The following DMD variants were observed in gnomAD, a reference collection of about 807,000 sequenced individuals.
DMD encodes mutant dystrophin.
DMD carries 63 observed loss-of-function variants against 330.1 expected under a neutral mutation model. The ratio of observed to expected loss-of-function variants is 0.19; its 90% CI spans 0.16 to 0.24. DMD has a LOEUF of 0.24. DMD is among the 10% of genes least tolerant of loss of function. The probability of loss-of-function intolerance (pLI) is 1.00; values close to 1 mark genes in which losing one functional copy is unlikely to be tolerated. For synonymous variants in DMD, 1,223 were observed against 959.8 expected, an observed-to-expected ratio of 1.27 and a Z score of -5.07; for missense variants, 3,344 against 2,684.1, an observed-to-expected ratio of 1.25 and a Z score of -5.43.
chrX:33,261,293 A>G (rs1174710171), intron 1 of DMD, among the ~76,000 whole-genome samples: 1 of 111,195 alleles, frequency 9.0e-6, no homozygotes, highest in Non-Finnish European at 1.9e-5. Flanking sequence ...TTTAATATAT[A>G]GAAGAATAAG....
At chrX:32,612,024 C>A (rs1459100779) in intron 12 of DMD, among the ~76,000 whole-genome samples, 1 of 105,102 alleles carries the variant, frequency 9.5e-6, no homozygotes, top group East Asian at 3.0e-4. Flanking sequence ...GGTTAGATTC[C>A]TCCAAAAACA....
chrX:32,352,237 G>A (rs935258929), intron 37 of DMD, among the ~76,000 whole-genome samples: 2 of 110,503 alleles, frequency 1.8e-5, no homozygotes, highest in African/African-American at 6.5e-5. Context: ...TTTTCACACA[G>A]ACATTTTCTT....
intron 9 of DMD, among the ~76,000 whole-genome samples, chrX:32,664,142 C>T (rs1355170557): frequency 9.0e-6 from 1 of 110,523 alleles, no homozygotes; most frequent in Non-Finnish European, 1.9e-5. Context: ...AAGGCTATTT[C>T]ACTAATTTAG....
rs150199251 is a variant in DMD at position 32,573,611 on chromosome X, T to A, written c.1731A>T (p.Glu577Asp). The change falls in exon 15 of 79, where the codon GAA becomes GAT. Residue 577 changes from glutamate to aspartate, a missense_variant. Physicochemically the swap from Glu to Asp is conservative, Grantham distance 45. Transcript: ENST00000357033. ...GAATCTTGTTCACTGCATCTTCTTT[T>A]TCTGAAAGCCATGCACTAAAAAGGC... ...EQCLFSAWLS[E>D]KEDAVNKIHT... 1.5e-4 allele frequency: 182 copies of A among 1,209,907 alleles called. No homozygotes were observed. In the African/African-American group the frequency reaches 2.4e-3, roughly 16 times the overall value.
At chrX:32,865,835 C>T (rs2082438229) in intron 2 of DMD, among the ~76,000 whole-genome samples, 1 of 112,582 alleles carries the variant, frequency 8.9e-6, no homozygotes, top group Non-Finnish European at 1.9e-5. Context: ...GGAGCAACTG[C>T]TGTAAATGGT....
chrX:32,798,148 G>C lies in DMD; in HGVS notation c.649+11345C>G, dbSNP rs911315498. On this transcript the variant is annotated intron_variant, in intron 7 of 78. Coordinates refer to ENST00000357033, the MANE Select transcript of DMD (RefSeq NM_004006.3). ...AATTTGTTATAAAGGGTAAATTCAA[G>C]CCAGGCTCCCGCACACACAAATATC... Among the ~76,000 whole-genome samples the C allele has an allele frequency of 8.0e-5, 9 of 111,822 alleles. No homozygotes were observed. The East Asian group carries it at 2.2e-3, about 28-fold the overall frequency.
intron 55 of DMD, among the ~76,000 whole-genome samples, chrX:31,524,962 C>A (rs1032309256): frequency 1.5e-4 from 17 of 112,175 alleles, no homozygotes; most frequent in Admixed American, 8.5e-4. Flanking sequence ...ATGTTTGAAA[C>A]CTCCAAAGTA....
intron 37 of DMD, among the ~76,000 whole-genome samples, chrX:32,355,667 A>G (rs7050341): frequency 0.22 from 23,886 of 110,521 alleles, 2,733 homozygotes; most frequent in African/African-American, 0.43. Flanking sequence ...GGAAAAAATA[A>G]GCTAACATAA....
At chrX:32,287,397 T>C in intron 43 of DMD, 132 bp downstream of exon 43, 1 of 576,707 alleles carries the variant, frequency 1.7e-6, no homozygotes, top group Non-Finnish European at 2.8e-6. Flanking sequence ...TCATTTTACT[T>C]ACCATTTTTC....
chrX:31,234,927 G>T (rs1259082798), intron 63 of DMD, among the ~76,000 whole-genome samples: 1 of 109,913 alleles, frequency 9.1e-6, no homozygotes, highest in Non-Finnish European at 1.9e-5. Context: ...AAGCATGGGG[G>T]TAAGGGGGAT....
intron 1 of DMD, among the ~76,000 whole-genome samples, chrX:33,231,473 T>C (rs1351617562): frequency 2.7e-5 from 3 of 112,190 alleles, no homozygotes; most frequent in African/African-American, 9.7e-5. Context: ...ACTTTCATCT[T>C]ATACTTTGTT....
At chrX:32,866,985 C>T (rs1394812982) in intron 2 of DMD, among the ~76,000 whole-genome samples, 3 of 111,416 alleles carry the variant, frequency 2.7e-5, no homozygotes, top group Non-Finnish European at 3.8e-5. Context: ...CCGCCCACCT[C>T]GGCCTCCCAA....
chrX:32,510,272 G>C, intron 18 of DMD, among the ~76,000 whole-genome samples: 1 of 111,847 alleles, frequency 8.9e-6, no homozygotes, highest in Non-Finnish European at 1.9e-5. Flanking sequence ...CAGGCATGCT[G>C]CTGTTACACG....
intron 63 of DMD, among the ~76,000 whole-genome samples, chrX:31,257,272 G>A (rs1250686280): frequency 9.5e-6 from 1 of 105,288 alleles, no homozygotes; most frequent in African/African-American, 3.5e-5. Context: ...TGCCTGGAGT[G>A]GGGGTACAGA....
chrX:33,305,868 C>T (rs1193279912), intron 1 of DMD, among the ~76,000 whole-genome samples: 1 of 111,801 alleles, frequency 8.9e-6, no homozygotes, highest in Non-Finnish European at 1.9e-5. Context: ...TAAATATTTC[C>T]TGGTTGAGTG....
At chrX:32,727,197 G>A (rs1004522413) in intron 7 of DMD, among the ~76,000 whole-genome samples, 1 of 111,406 alleles carries the variant, frequency 9.0e-6, no homozygotes, top group Non-Finnish European at 1.9e-5. Context: ...GTTAGTGAAT[G>A]CATAGATATC....
intron 44 of DMD, chrX:32,155,276 T>C (rs1333565480): frequency 3.0e-6 from 1 of 333,147 alleles, no homozygotes; most frequent in Non-Finnish European, 3.9e-6. Flanking sequence ...ATAGAAGACT[T>C]ACAGAAAAGC....
At chrX:31,976,418 G>A (rs1343478076) in intron 44 of DMD, among the ~76,000 whole-genome samples, 3 of 110,908 alleles carry the variant, frequency 2.7e-5, no homozygotes, top group African/African-American at 9.8e-5. Flanking sequence ...TTATTGAAAC[G>A]ATTCTGGGCA....
intron 64 of DMD, among the ~76,000 whole-genome samples, chrX:31,220,569 T>C (rs1311195717): frequency 1.8e-5 from 2 of 111,839 alleles, no homozygotes; most frequent in African/African-American, 6.5e-5. Flanking sequence ...TTCTGTAGGT[T>C]GCTTATCCTG....
Sources: allele counts gnomAD v4.1 joint callset (sites outside exome capture counted in the v4.1 genomes callset), GRCh38; gene constraint gnomAD v4.1.1; transcripts MANE v1.5; gene names NCBI Gene and HGNC (gene_info 2026-07-23, HGNC 2026-07-21).